Variants in CACNA2D1 observed in about 807,000 individuals in gnomAD.
CACNA2D1 encodes the protein calcium voltage-gated channel auxiliary subunit alpha2delta 1.
A neutral mutation model predicts 171.5 loss-of-function variants in CACNA2D1; 53 were observed. That is an observed-to-expected ratio of 0.31 (90% CI 0.25 to 0.39). The LOEUF is 0.39. Among genes scored for constraint, CACNA2D1 ranks in the 10% least tolerant of loss-of-function variants. The pLI is 1.00. For missense variants in CACNA2D1, 903 were observed against 1,299.8 expected, an observed-to-expected ratio of 0.69 and a Z score of 4.69; for synonymous variants, 442 against 443.1, an observed-to-expected ratio of 1.00 and a Z score of 0.03.
intron 24 of CACNA2D1, among the ~76,000 whole-genome samples, chr7:81,974,759 T>A (rs1048498818): frequency 7.5e-6 from 1 of 134,066 alleles, no homozygotes; most frequent in Admixed American, 7.9e-5. Flanking sequence ...ATTAAACGTT[T>A]GGCCTTTGGA....
At chr7:82,316,894 A>G (rs1198174102) in intron 3 of CACNA2D1, among the ~76,000 whole-genome samples, 1 of 152,142 alleles carries the variant, frequency 6.6e-6, no homozygotes, top group Non-Finnish European at 1.5e-5. Flanking sequence ...TGATTCAATT[A>G]TTTCCACCTG....
intron 12 of CACNA2D1, among the ~76,000 whole-genome samples, chr7:82,030,195 T>G (rs1802503089): frequency 6.6e-6 from 1 of 151,816 alleles, no homozygotes. Flanking sequence ...TTGGACATTT[T>G]TAGGATCCAT....
In CACNA2D1 at chr7:81,964,224, G is replaced by A. The variant is rs201755371; in HGVS notation, c.2710C>T (p.His904Tyr). The change falls in exon 33 of 39, where the codon CAT becomes TAT. Residue 904 changes from histidine (H) to tyrosine (Y), a missense_variant. His to Tyr is a moderately conservative substitution (Grantham distance 83). Coordinates refer to ENST00000356860, the MANE Select transcript of CACNA2D1 (RefSeq NM_000722.4). ...TTACTGACCACATATGCTGAGCGAT[G>A]TCCTGCTCCTTGTTTTGGTGCAGCA... Reference protein sequence around the residue: ...PGAAPKQGAGHRSAYVPSVAD... With the variant: ...PGAAPKQGAGYRSAYVPSVAD... 3.7e-6 allele frequency: 6 copies of A among 1,612,868 alleles called. No individual in the cohort carries two copies. In the African/African-American group the frequency reaches 8.0e-5, roughly 22 times the overall value.
chr7:82,190,317 T>G (rs1798163995), intron 3 of CACNA2D1, among the ~76,000 whole-genome samples: 1 of 151,840 alleles, frequency 6.6e-6, no homozygotes, highest in Admixed American at 6.6e-5. Flanking sequence ...TTTAATTGCT[T>G]CATATCCATA....
chr7:82,057,323 G>A (rs1806036143), intron 10 of CACNA2D1, among the ~76,000 whole-genome samples: 1 of 152,078 alleles, frequency 6.6e-6, no homozygotes, highest in African/African-American at 2.4e-5. Context: ...AACCAAGGGG[G>A]TAAAGTAGGA....
intron 4 of CACNA2D1, among the ~76,000 whole-genome samples, chr7:82,166,135 T>TGC (rs1337866910): frequency 1.3e-5 from 2 of 152,046 alleles, no homozygotes; most frequent in Non-Finnish European, 2.9e-5. Context: ...ATAATGCCGG[T>TGC]GCCTATTAGT....
chr7:82,410,081 A>G (rs1468882543), intron 1 of CACNA2D1, among the ~76,000 whole-genome samples: 3 of 152,236 alleles, frequency 2.0e-5, no homozygotes, highest in Non-Finnish European at 1.5e-5. Flanking sequence ...ATTGAATAAA[A>G]TGTCATTATT....
chr7:81,952,526 CT>C lies in CACNA2D1; in HGVS notation c.3160-2019del, dbSNP rs1488376495. On this transcript the variant is annotated intron_variant, in intron 38 of 38. Transcript: ENST00000356860. ...AAATAATCAATTCTTAGTCTTCATCCTCTTTGACCTTTCAGAAGCATTTGAC... is the reference window on the plus strand; with the variant it reads ...AAATAATCAATTCTTAGTCTTCATCCCTTTGACCTTTCAGAAGCATTTGAC... 3.9e-5 allele frequency among the ~76,000 whole-genome samples: 6 copies of C among 152,178 alleles called. No homozygotes were observed. In the South Asian group the frequency reaches 8.3e-4, roughly 21 times the overall value.
chr7:82,084,922 A>G (rs1305869569), intron 6 of CACNA2D1, 22 bp from the exon 7 acceptor site: 8 of 1,587,206 alleles, frequency 5.0e-6, no homozygotes, highest in Non-Finnish European at 6.9e-6. Flanking sequence ...GAGAGAAACC[A>G]TTAATTAATT....
chr7:82,277,493 C>T (rs1175394303), intron 3 of CACNA2D1, among the ~76,000 whole-genome samples: 1 of 152,104 alleles, frequency 6.6e-6, no homozygotes, highest in African/African-American at 2.4e-5. Flanking sequence ...AGCCACTGCG[C>T]CCAACCCCCT....
At chr7:82,079,718 C>A (rs1809460853) in intron 7 of CACNA2D1, among the ~76,000 whole-genome samples, 1 of 149,704 alleles carries the variant, frequency 6.7e-6, no homozygotes. Context: ...AAGTTGACGT[C>A]ATAGAACACA....
At chr7:82,002,042 A>G (rs37122) in intron 18 of CACNA2D1, among the ~76,000 whole-genome samples, 1,622 of 140,888 alleles carry the variant, frequency 0.012, 22 homozygotes, top group African/African-American at 0.04. Context: ...AAAAAAAAAA[A>G]AGAGAGAGAG....
At chr7:82,074,118 G>A (rs549260816) in intron 7 of CACNA2D1, among the ~76,000 whole-genome samples, 1 of 152,298 alleles carries the variant, frequency 6.6e-6, no homozygotes, top group Non-Finnish European at 1.5e-5. Context: ...TAGAATCTTT[G>A]GATGGTCTGA....
At chr7:82,026,047 G>GTT (rs1224426188) in intron 12 of CACNA2D1, among the ~76,000 whole-genome samples, 19 of 132,714 alleles carry the variant, frequency 1.4e-4, no homozygotes, top group South Asian at 1.2e-3. Flanking sequence ...TCTCGTGTCA[G>GTT]TTTTTTTTTT....
chr7:82,327,037 T>C (rs1355956928), intron 3 of CACNA2D1, among the ~76,000 whole-genome samples: 1 of 152,210 alleles, frequency 6.6e-6, no homozygotes, highest in East Asian at 1.9e-4. Context: ...AATATAACTG[T>C]TACATTGAAA....
intron 26 of CACNA2D1, 194 bp from the exon 27 acceptor site, chr7:81,970,931 GA>G (rs1419133492): frequency 1.8e-6 from 1 of 564,740 alleles, no homozygotes; most frequent in Admixed American, 2.8e-5. Flanking sequence ...CATCTCATAG[GA>G]AATAATGACT....
chr7:82,010,302 G>A (rs1024558876), intron 15 of CACNA2D1, among the ~76,000 whole-genome samples: 1 of 151,410 alleles, frequency 6.6e-6, no homozygotes, highest in African/African-American at 2.4e-5. Flanking sequence ...GAATATATGA[G>A]GATCACTTTA....
intron 4 of CACNA2D1, among the ~76,000 whole-genome samples, chr7:82,147,342 G>T (rs1431995580): frequency 6.6e-6 from 1 of 152,036 alleles, no homozygotes; most frequent in African/African-American, 2.4e-5. Flanking sequence ...ATAAATATAT[G>T]ATTTAAACTC....
At chr7:82,203,883 C>T (rs1390464075) in intron 3 of CACNA2D1, among the ~76,000 whole-genome samples, 1 of 152,134 alleles carries the variant, frequency 6.6e-6, no homozygotes, top group Non-Finnish European at 1.5e-5. Flanking sequence ...TGGAAAATGA[C>T]CCCCCAAACT....
Sources: allele counts gnomAD v4.1 joint callset (sites outside exome capture counted in the v4.1 genomes callset), GRCh38; gene constraint gnomAD v4.1.1; transcripts MANE v1.5; gene names NCBI Gene and HGNC (gene_info 2026-07-23, HGNC 2026-07-21).